Variants in ZDHHC14 observed in about 807,000 individuals in gnomAD.
ZDHHC14 encodes the protein zDHHC palmitoyltransferase 14.
In ZDHHC14, 16 loss-of-function variants were observed where a neutral mutation model predicts 47.7. The observed-to-expected ratio is 0.34, with a 90% confidence interval of 0.23 to 0.51. The LOEUF (loss-of-function observed/expected upper bound fraction) is 0.51, where lower values mean the gene tolerates loss of function less well. Ranked by LOEUF, ZDHHC14 falls within the 20% of genes least tolerant of loss-of-function variation. The pLI is 0.97. For missense variants in ZDHHC14, 515 were observed against 662.5 expected, an observed-to-expected ratio of 0.78 and a Z score of 2.44; for synonymous variants, 293 against 278.9, an observed-to-expected ratio of 1.05 and a Z score of -0.50.
intron 1 of ZDHHC14, among the ~76,000 whole-genome samples, chr6:157,503,969 G>C (rs995862397): frequency 3.3e-5 from 5 of 152,078 alleles, no homozygotes; most frequent in Non-Finnish European, 7.4e-5. Context: ...AATTCCATTT[G>C]TAAGTATATA....
At chr6:157,560,042 A>G (rs893140133) in intron 2 of ZDHHC14, among the ~76,000 whole-genome samples, 2 of 152,252 alleles carry the variant, frequency 1.3e-5, no homozygotes, top group African/African-American at 4.8e-5. Flanking sequence ...TACACGAATT[A>G]CACTATACGT....
chr6:157,420,630 G>A (rs754247109), intron 1 of ZDHHC14, among the ~76,000 whole-genome samples: 3 of 152,192 alleles, frequency 2.0e-5, no homozygotes, highest in Non-Finnish European at 4.4e-5. Context: ...GAGTGGCCTC[G>A]GTCAGCTTTG....
intron 1 of ZDHHC14, among the ~76,000 whole-genome samples, chr6:157,459,602 TAG>T (rs1040431754): frequency 6.6e-6 from 1 of 151,986 alleles, no homozygotes; most frequent in African/African-American, 2.4e-5. Context: ...CAGAGGTAGC[TAG>T]AGAGAGCCTC....
At chr6:157,546,049 A>G (rs1487551879) in intron 2 of ZDHHC14, among the ~76,000 whole-genome samples, 1 of 152,208 alleles carries the variant, frequency 6.6e-6, no homozygotes, top group African/African-American at 2.4e-5. Context: ...GTTCTCATAA[A>G]AAGCTACCTA....
intron 1 of ZDHHC14, among the ~76,000 whole-genome samples, chr6:157,480,111 T>C (rs567550459): frequency 6.6e-6 from 1 of 152,278 alleles, no homozygotes; most frequent in African/African-American, 2.4e-5. Flanking sequence ...CATGTTGGGC[T>C]CAGCGTTGGA....
At chr6:157,417,442 C>T (rs574274005) in intron 1 of ZDHHC14, among the ~76,000 whole-genome samples, 2 of 152,300 alleles carry the variant, frequency 1.3e-5, no homozygotes, top group African/African-American at 4.8e-5. Flanking sequence ...GAACCCCTCT[C>T]CCTTTTTAAG....
intron 1 of ZDHHC14, among the ~76,000 whole-genome samples, chr6:157,520,599 T>G (rs1189135783): frequency 3.3e-5 from 5 of 152,252 alleles, no homozygotes; most frequent in Non-Finnish European, 7.3e-5. Context: ...TCTAGAATTT[T>G]TAAATTTCTA....
At chr6:157,592,779 C>T in intron 2 of ZDHHC14, 5 of 1,378,006 alleles carry the variant, frequency 3.6e-6, no homozygotes, top group Non-Finnish European at 4.7e-6. Flanking sequence ...AGAGCTCAGT[C>T]ACGTGGCCCC....
In ZDHHC14 at chr6:157,673,520, T is replaced by C. The variant is rs1412459388; in HGVS notation, c.*398T>C. On this transcript the variant is annotated 3_prime_UTR_variant, in exon 9 of 9. Transcript: ENST00000359775. The surrounding 1 kb of genome is among the most constrained non-coding windows in gnomAD (Gnocchi z 5.4). ...TATTTGAAACAGACCTGCCATTCCA[T>C]TTGTTAATTAAAAAAAAAAAAAATC... The C allele has an allele frequency of 5.3e-6, 1 of 187,740 alleles. No homozygotes were observed. The highest frequency in any genetic ancestry group is 2.4e-5 in the African/African-American group (1 of 41,226). The allele number at this position is 187,740 out of a possible 1,614,324, so 11.6% of individuals were successfully genotyped here.
At chr6:157,525,115 ATGAGCCTTGCCATG>A (rs1000110765) in intron 1 of ZDHHC14, among the ~76,000 whole-genome samples, 1 of 152,136 alleles carries the variant, frequency 6.6e-6, no homozygotes, top group African/African-American at 2.4e-5. Context: ...AGCCACCCTC[ATGAGCCTTGCCATG>A]TGAGCCTCTC....
chr6:157,664,845 G>C (rs594407), intron 8 of ZDHHC14, among the ~76,000 whole-genome samples: 2 of 152,000 alleles, frequency 1.3e-5, no homozygotes, highest in Non-Finnish European at 2.9e-5. Context: ...CATGCCCAGC[G>C]CAACCCTTGC....
chr6:157,671,523 A>G (rs373155164), intron 8 of ZDHHC14, among the ~76,000 whole-genome samples: 5 of 152,238 alleles, frequency 3.3e-5, no homozygotes, highest in Non-Finnish European at 1.5e-5. Context: ...TTGAAGATTT[A>G]TAAGTCCTGT....
chr6:157,598,305 A>G (rs1784210732), intron 3 of ZDHHC14, among the ~76,000 whole-genome samples: 1 of 152,176 alleles, frequency 6.6e-6, no homozygotes. Context: ...TCTCATAGGA[A>G]AGCAGGTCAT....
chr6:157,635,390 C>T (rs941654760), intron 5 of ZDHHC14, among the ~76,000 whole-genome samples: 1 of 152,222 alleles, frequency 6.6e-6, no homozygotes, highest in African/African-American at 2.4e-5. Flanking sequence ...ACCAAGTAGG[C>T]AGTCCTGGAC....
intron 1 of ZDHHC14, among the ~76,000 whole-genome samples, chr6:157,402,572 C>A (rs1387882972): frequency 2.0e-5 from 3 of 152,140 alleles, no homozygotes; most frequent in African/African-American, 7.2e-5. Flanking sequence ...TATGATGGTC[C>A]CTATCATCGT....
chr6:157,439,905 G>A (rs186199353), intron 1 of ZDHHC14, among the ~76,000 whole-genome samples: 5 of 152,182 alleles, frequency 3.3e-5, no homozygotes, highest in Non-Finnish European at 4.4e-5. Context: ...AAACTAATGC[G>A]TGAACAGGAA....
At chr6:157,385,663 A>C (rs1777295728) in intron 1 of ZDHHC14, among the ~76,000 whole-genome samples, 2 of 152,370 alleles carry the variant, frequency 1.3e-5, no homozygotes, top group South Asian at 4.1e-4. Context: ...GGCAGGGTAG[A>C]AATGATTATT....
intron 2 of ZDHHC14, among the ~76,000 whole-genome samples, chr6:157,555,309 C>A (rs1782413454): frequency 2.0e-5 from 3 of 152,320 alleles, no homozygotes; most frequent in South Asian, 4.1e-4. Flanking sequence ...AATGGTTTGT[C>A]TGCGTAATCA....
intron 1 of ZDHHC14, among the ~76,000 whole-genome samples, chr6:157,518,474 AG>A (rs1476253646): frequency 2.0e-5 from 3 of 152,134 alleles, no homozygotes; most frequent in Admixed American, 1.3e-4. Flanking sequence ...GGTGGAATAA[AG>A]GCCTGACAAG....
Sources: allele counts gnomAD v4.1 joint callset (sites outside exome capture counted in the v4.1 genomes callset), GRCh38; gene constraint gnomAD v4.1.1; non-coding constraint Gnocchi (gnomAD v3.1); transcripts MANE v1.5; gene names NCBI Gene and HGNC (gene_info 2026-07-23, HGNC 2026-07-21).